Variants in RBMS1 observed in about 807,000 individuals in gnomAD.
The protein encoded by RBMS1 is RNA binding motif single stranded interacting protein 1.
RBMS1 carries 17 observed loss-of-function variants against 62.3 expected under a neutral mutation model. The observed-to-expected ratio is 0.27, with a 90% confidence interval of 0.19 to 0.41. RBMS1 has a LOEUF of 0.41. Among genes scored for constraint, RBMS1 ranks in the 10% least tolerant of loss-of-function variants. The pLI is 1.00. For missense variants in RBMS1, 334 were observed against 504.5 expected (o/e 0.66, Z 3.24); for synonymous variants, 172 against 170.0 (o/e 1.01, Z -0.09).
At chr2:160,449,401 G>T (rs1450967718) in intron 1 of RBMS1, among the ~76,000 whole-genome samples, 5 of 152,264 alleles carry the variant, frequency 3.3e-5, no homozygotes, top group Non-Finnish European at 7.3e-5. Context: ...GAAATGTGGG[G>T]AAAAGAAAGA....
chr2:160,407,885 C>T (rs1450480601), intron 1 of RBMS1: 1 of 981,068 alleles, frequency 1.0e-6, no homozygotes, highest in Non-Finnish European at 1.2e-6. Context: ...CCACCTACCG[C>T]GGCCTCAACC....
At chr2:160,278,812 C>G (rs566534519) in intron 10 of RBMS1, 154 bp from the exon 11 acceptor site, 82 of 570,818 alleles carry the variant, frequency 1.4e-4, no homozygotes, top group African/African-American at 1.1e-3. Flanking sequence ...TAAACAGTTT[C>G]CTAAAAATCT....
At chr2:160,329,134 T>C (rs185041373) in intron 2 of RBMS1, among the ~76,000 whole-genome samples, 127 of 152,284 alleles carry the variant, frequency 8.3e-4, no homozygotes, top group Admixed American at 2.1e-3. Context: ...ACGTAGTCCA[T>C]CCTTTTCTCA....
chr2:160,366,256 T>A (rs1693392451), intron 2 of RBMS1, among the ~76,000 whole-genome samples: 1 of 152,234 alleles, frequency 6.6e-6, no homozygotes, highest in South Asian at 2.1e-4. Context: ...TGAATTTTTT[T>A]TTCTTAAAAA....
At chr2:160,280,092 T>G (rs1023099957) in intron 10 of RBMS1, among the ~76,000 whole-genome samples, 6 of 152,194 alleles carry the variant, frequency 3.9e-5, no homozygotes, top group African/African-American at 1.4e-4. Context: ...TTCCTGCTCC[T>G]TTTTCTCATT....
intron 1 of RBMS1, among the ~76,000 whole-genome samples, chr2:160,432,183 G>A (rs1682924583): frequency 6.6e-6 from 1 of 152,132 alleles, no homozygotes; most frequent in Non-Finnish European, 1.5e-5. Context: ...GACAGTTTCA[G>A]TAAGAAAAAG....
At chr2:160,359,695 A>C (rs990496853) in intron 2 of RBMS1, among the ~76,000 whole-genome samples, 10 of 152,224 alleles carry the variant, frequency 6.6e-5, no homozygotes, top group African/African-American at 2.4e-4. Context: ...AAGCTGATTA[A>C]GCATCAAAAA....
At chr2:160,306,473 G>A (rs1365864876) in intron 4 of RBMS1, among the ~76,000 whole-genome samples, 1 of 152,118 alleles carries the variant, frequency 6.6e-6, no homozygotes, top group Admixed American at 6.5e-5. Context: ...TTCCTATGAT[G>A]TGAATGCATT....
chr2:160,396,411 T>C (rs1695140637), intron 1 of RBMS1, among the ~76,000 whole-genome samples: 1 of 152,272 alleles, frequency 6.6e-6, no homozygotes, highest in Admixed American at 6.5e-5. Context: ...CAGACCCATA[T>C]GTACTATCTC....
chr2:160,321,426 G>A (rs1187116069), intron 2 of RBMS1, among the ~76,000 whole-genome samples: 1 of 152,040 alleles, frequency 6.6e-6, no homozygotes, highest in Non-Finnish European at 1.5e-5. Flanking sequence ...AATTCATTCA[G>A]TGCCATGTTT....
At chr2:160,363,749 G>C (rs1159620126) in intron 2 of RBMS1, among the ~76,000 whole-genome samples, 5 of 152,162 alleles carry the variant, frequency 3.3e-5, no homozygotes, top group African/African-American at 4.8e-5. Flanking sequence ...GGTTGAGTAT[G>C]AGGTAAAAAT....
rs755203749 is a variant in RBMS1, at chr2:160,281,302, T to TA, written c.951+11dup. 7 of 1,593,694 alleles carry TA rather than the reference T, an allele frequency of 4.4e-6. No homozygotes were observed. In the East Asian group the frequency reaches 1.6e-4, roughly 36 times the overall value. ...CTTGTAAAACACAAAGTCATTAAGATAAAAAACTTACAGGGTGCTGTAGAA... is the reference window on the plus strand; with the variant it reads ...CTTGTAAAACACAAAGTCATTAAGATAAAAAAACTTACAGGGTGCTGTAGAA... On this transcript the variant is annotated intron_variant, in intron 10 of 13. Transcript: ENST00000348849.
chr2:160,418,345 T>C (rs72976706), intron 1 of RBMS1, among the ~76,000 whole-genome samples: 3,754 of 152,264 alleles, frequency 0.025, 71 homozygotes, highest in Middle Eastern at 0.061. Flanking sequence ...CCTTTTACGG[T>C]ACCTGGAGTG....
intron 1 of RBMS1, among the ~76,000 whole-genome samples, chr2:160,406,860 T>C (rs1204388347): frequency 1.3e-5 from 2 of 152,216 alleles, no homozygotes; most frequent in Non-Finnish European, 2.9e-5. Context: ...GGAAAGAGCA[T>C]GTGTATGACT....
intron 6 of RBMS1, among the ~76,000 whole-genome samples, chr2:160,296,009 A>C (rs1426304008): frequency 6.6e-6 from 1 of 152,238 alleles, no homozygotes; most frequent in African/African-American, 2.4e-5. Flanking sequence ...CAAAGGGACT[A>C]ATGTGTGGGG....
rs114566843 is a variant in RBMS1, at chr2:160,426,865, G to T, written c.76-59474C>A. 8.3e-3 allele frequency among the ~76,000 whole-genome samples: 1,267 copies of T among 152,252 alleles called. 22 individuals are homozygous for T. The highest frequency in any genetic ancestry group is 0.027 in the African/African-American group (1,125 of 41,554). On this transcript the variant is annotated intron_variant, in intron 1 of 13. Transcript: ENST00000348849. Reference sequence around the variant, plus strand: ...GGAGGGGAGCATGTCAGGGGGAAAAGAATGTAAGAAGACATTATAAACAAA... The same window carrying T: ...GGAGGGGAGCATGTCAGGGGGAAAATAATGTAAGAAGACATTATAAACAAA...
chr2:160,443,148 G>T (rs1453038469), intron 1 of RBMS1, among the ~76,000 whole-genome samples: 2 of 151,454 alleles, frequency 1.3e-5, no homozygotes, highest in Non-Finnish European at 2.9e-5. Flanking sequence ...GGAGGTTGCA[G>T]TGAGCCGAGA....
chr2:160,493,051 T>A (rs559852617), intron 1 of RBMS1: 4 of 476,396 alleles, frequency 8.4e-6, no homozygotes, highest in Non-Finnish European at 1.5e-5. Flanking sequence ...GGCTCTTTCC[T>A]GTCTAGTCTC....
chr2:160,393,503 C>A lies in RBMS1; in HGVS notation c.76-26112G>T, dbSNP rs191201356. Among the ~76,000 whole-genome samples the A allele has an allele frequency of 5.3e-5, 8 of 152,194 alleles. No homozygotes were observed. In the East Asian group the frequency reaches 1.5e-3, roughly 29 times the overall value. ...GTTGAAAATGGCCAAGCTGGCCGGGCGCGGTGGCTCACACCTGTAATCCTA... is the reference window on the plus strand; with the variant it reads ...GTTGAAAATGGCCAAGCTGGCCGGGAGCGGTGGCTCACACCTGTAATCCTA... On this transcript the variant is annotated intron_variant, in intron 1 of 13. Transcript: ENST00000348849.
Sources: allele counts gnomAD v4.1 joint callset (sites outside exome capture counted in the v4.1 genomes callset), GRCh38; gene constraint gnomAD v4.1.1; transcripts MANE v1.5; gene names NCBI Gene and HGNC (gene_info 2026-07-23, HGNC 2026-07-21).